C16orf96: variants seen among roughly 807,000 people sequenced by gnomAD.
C16orf96 encodes uncharacterized protein C16orf96.
A neutral mutation model predicts 103.6 loss-of-function variants in C16orf96; 108 were observed. The ratio of observed to expected loss-of-function variants is 1.04; its 90% CI spans 0.89 to 1.22. The LOEUF is 1.22. C16orf96 is among the 50% of genes most tolerant of loss of function. The pLI, the probability that C16orf96 is intolerant of heterozygous loss-of-function variation, is 0.00. For missense variants in C16orf96, 1,586 were observed against 1,464.2 expected, an observed-to-expected ratio of 1.08 and a Z score of -1.36; for synonymous variants, 566 against 593.5, an observed-to-expected ratio of 0.95 and a Z score of 0.67.
chr16:4,590,875 A>AC (rs966845821), intron 9 of C16orf96, among the ~76,000 whole-genome samples: 1 of 151,832 alleles, frequency 6.6e-6, no homozygotes, highest in African/African-American at 2.4e-5. Flanking sequence ...AAAAAAAAAA[A>AC]AAAAAAATTA....
At chr16:4,596,214 C>T (rs1002298601) in intron 14 of C16orf96, among the ~76,000 whole-genome samples, 1 of 152,102 alleles carries the variant, frequency 6.6e-6, no homozygotes, top group East Asian at 1.9e-4. Context: ...TGGCCGGGCA[C>T]GGTGGCTCAC....
chr16:4,594,480 C>T lies in C16orf96; in HGVS notation c.2997C>T (p.Tyr999=), dbSNP rs375628569. 308 of 1,551,338 alleles carry T rather than the reference C, an allele frequency of 2.0e-4. 3 individuals carry two copies. Among genetic ancestry groups the T allele is most frequent in the South Asian group, 7.0e-4 (59 of 84,068 alleles). Residue 999 remains tyrosine, a synonymous_variant, in exon 13 of 16, where the codon TAC becomes TAT. Transcript: ENST00000444310. ...KSCNLLTLYP[Y]GDPHVIDYDS... ...GCAACCTGTTGACGCTCTATCCCTA[C>T]GGGGATCCCCACGTGATCGACTATG...
intron 8 of C16orf96, among the ~76,000 whole-genome samples, chr16:4,587,924 C>G (rs760231478): frequency 2.6e-5 from 4 of 152,134 alleles, no homozygotes; most frequent in Admixed American, 6.6e-5. Context: ...CAACCTTGAA[C>G]AAGATCCTGT....
chr16:4,578,966 G>A lies in C16orf96; in HGVS notation c.2182G>A (p.Gly728Arg), dbSNP rs184028771. Reference sequence around the variant, plus strand: ...CAATATGGGAGGTCCTTCCAGCCTCGGGACAACAGTGGACATATTGCAGAA... The same window carrying A: ...CAATATGGGAGGTCCTTCCAGCCTCAGGACAACAGTGGACATATTGCAGAA... ...LANMGGPSSL[G>R]TTVDILQKKI... Residue 728 changes from glycine (G) to arginine (R), a missense_variant, in exon 6 of 16, where the codon GGG becomes AGG. By Grantham distance (125) the Gly-to-Arg change is moderately radical (BLOSUM62 -2). Transcript: ENST00000444310. The A allele has an allele frequency of 1.8e-5, 28 of 1,551,342 alleles. No individual in the cohort carries two copies. In the East Asian group the frequency reaches 4.2e-4, roughly 23 times the overall value.
chr16:4,555,607 G>A (rs915036059), upstream of C16orf96, among the ~76,000 whole-genome samples: 2 of 151,840 alleles, frequency 1.3e-5, no homozygotes, highest in African/African-American at 4.8e-5. Flanking sequence ...TCCTGACCCC[G>A]TGGTCCACCC....
At chr16:4,547,398 A>G in the C16orf96 span, among the ~76,000 whole-genome samples, 38 of 149,366 alleles carry the variant, frequency 2.5e-4, no homozygotes, top group African/African-American at 9.3e-4. Context: ...TGGCCTCCCA[A>G]AGTGCTGGGA....
At position 4,600,570 on chromosome 16, in the gene C16orf96, C is replaced by T; in HGVS notation, c.*253C>T. 2.1e-6 allele frequency: 1 copy of T among 473,762 alleles called. No homozygotes were observed. The allele number at this position is 473,762 out of a possible 1,614,324, so 29.3% of individuals were successfully genotyped here. ...CCCCCCACCCCCACCAAGTCCCGTC[C>T]CCGGCTGAGACCCAGGGCCCTGAGC... is the stretch of plus-strand genomic sequence containing the variant. On this transcript the variant is annotated 3_prime_UTR_variant, in exon 16 of 16. Coordinates refer to ENST00000444310, the MANE Select transcript of C16orf96 (RefSeq NM_001145011.2).
At position 4,588,470 on chromosome 16, in the gene C16orf96, G is replaced by T. The variant is rs983136330; in HGVS notation, c.2592+139G>T. On this transcript the variant is annotated intron_variant, in intron 9 of 15. Transcript: ENST00000444310. Reference sequence around the variant, plus strand: ...CAGCAACTTAGCTGGGTGGCTCAGGGTTTCCTGTGAAATTGCAGTCAAGAT... The same window carrying T: ...CAGCAACTTAGCTGGGTGGCTCAGGTTTTCCTGTGAAATTGCAGTCAAGAT... 16 of 979,840 alleles carry T rather than the reference G, an allele frequency of 1.6e-5. No homozygotes were observed. In the African/African-American group the frequency reaches 2.5e-4, roughly 15 times the overall value. The allele number at this position is 979,840 out of a possible 1,614,324, so 60.7% of individuals were successfully genotyped here. A position where few individuals can be genotyped will look rare whatever the true frequency, so the allele number is the denominator to read the frequency against.
the C16orf96 span, among the ~76,000 whole-genome samples, chr16:4,541,605 C>T: frequency 1.3e-5 from 2 of 152,264 alleles, no homozygotes; most frequent in Middle Eastern, 3.4e-3. Flanking sequence ...GCCTACAAGT[C>T]TCCTTTTTGG....
In C16orf96 at chr16:4,556,372, A is replaced by G; in HGVS notation, c.-118A>G. On this transcript the variant is annotated 5_prime_UTR_variant, in exon 1 of 16. Transcript: ENST00000444310. ...AGGCCATTCCTCCCTGACTGCTGTG[A>G]CTCACCACCACCCCAGGCCTCTGAG... 2.9e-6 allele frequency: 3 copies of G among 1,038,554 alleles called. No individual in the cohort carries two copies. The highest frequency in any genetic ancestry group is 4.0e-6 in the Non-Finnish European group (3 of 741,240). 64.3% of individuals were successfully genotyped at this position (1,038,554 alleles called of 1,614,324 possible). A position where few individuals can be genotyped will look rare whatever the true frequency, so the allele number is the denominator to read the frequency against.
At chr16:4,544,287 C>T in the C16orf96 span, among the ~76,000 whole-genome samples, 4 of 152,144 alleles carry the variant, frequency 2.6e-5, no homozygotes, top group African/African-American at 4.8e-5. Context: ...TTAGGACACA[C>T]CACTTCACGG....
chr16:4,554,451 A>G (rs2059245077), upstream of C16orf96, among the ~76,000 whole-genome samples: 1 of 151,254 alleles, frequency 6.6e-6, no homozygotes, highest in Non-Finnish European at 1.5e-5. Flanking sequence ...CCCAGATTCA[A>G]ACGATTCTTC....
the C16orf96 span, among the ~76,000 whole-genome samples, chr16:4,549,312 A>C: frequency 6.6e-6 from 1 of 151,830 alleles, no homozygotes; most frequent in Non-Finnish European, 1.5e-5. Context: ...GTCTCTACTA[A>C]AAATAGAAAA....
rs1243005262 is a variant in C16orf96, at chr16:4,591,664, A to G, written c.2593-2A>G. ...TCTTATCTTCCCCTTGGCTGTTGGCAGTTAGTCCACAGTGATCTGGATCCC... is the reference window on the plus strand; with the variant it reads ...TCTTATCTTCCCCTTGGCTGTTGGCGGTTAGTCCACAGTGATCTGGATCCC... On this transcript the variant is annotated splice_acceptor_variant, in intron 9 of 15. Coordinates refer to ENST00000444310, the MANE Select transcript of C16orf96 (RefSeq NM_001145011.2). LOFTEE classifies it high-confidence loss of function. 1.3e-6 allele frequency: 2 copies of G among 1,548,928 alleles called. No homozygotes were observed. The highest frequency in any genetic ancestry group is 1.7e-6 in the Non-Finnish European group (2 of 1,144,532).
the C16orf96 span, among the ~76,000 whole-genome samples, chr16:4,543,789 A>T: frequency 6.6e-6 from 1 of 152,068 alleles, no homozygotes; most frequent in South Asian, 2.1e-4. Context: ...TTACAGGCAC[A>T]TACCATCACA....
chr16:4,580,529 T>C (rs4786525), intron 7 of C16orf96, among the ~76,000 whole-genome samples: 100,852 of 151,794 alleles, frequency 0.66, 36,760 homozygotes, highest in East Asian at 0.87. Context: ...GGCTGGGTGA[T>C]AAAAATAAAA....
chr16:4,545,692 AC>A, the C16orf96 span, among the ~76,000 whole-genome samples: 2 of 151,520 alleles, frequency 1.3e-5, no homozygotes, highest in African/African-American at 4.9e-5. Context: ...AACAGCACCC[AC>A]CTCCCACTCC....
At chr16:4,579,180 C>T (rs538592293) in intron 6 of C16orf96, among the ~76,000 whole-genome samples, 155 bp downstream of exon 6, 1 of 136,452 alleles carries the variant, frequency 7.3e-6, no homozygotes, top group South Asian at 2.6e-4. Flanking sequence ...GCTGCTGCCT[C>T]TCAAAGCTGA....
intron 1 of C16orf96, chr16:4,562,946 A>C (rs1457154295): frequency 5.7e-6 from 8 of 1,393,444 alleles, no homozygotes; most frequent in Non-Finnish European, 8.1e-6. Context: ...CTCCAATATC[A>C]ATTAGCACTT....
Sources: allele counts gnomAD v4.1 joint callset (sites outside exome capture counted in the v4.1 genomes callset), GRCh38; gene constraint gnomAD v4.1.1; transcripts MANE v1.5; gene names NCBI Gene and HGNC (gene_info 2026-07-23, HGNC 2026-07-21).